Variants in MGAT4D observed in about 807,000 individuals in gnomAD.
MGAT4D encodes the protein MGAT4 family member D.
MGAT4D carries 34 observed loss-of-function variants against 15.9 expected under a neutral mutation model. The observed-to-expected ratio is 2.14, with a 90% confidence interval of 1.62 to 2.84. The LOEUF is 2.84. Ranked by LOEUF, MGAT4D falls within the 30% of genes most tolerant of loss-of-function variation. The pLI is 0.00. For missense variants in MGAT4D, 327 were observed against 140.2 expected (o/e 2.33, Z -6.73); for synonymous variants, 112 against 48.2 (o/e 2.33, Z -5.49).
chr4:140,465,668 A>G (rs1239379862), intron 5 of MGAT4D, among the ~76,000 whole-genome samples: 2 of 152,192 alleles, frequency 1.3e-5, no homozygotes, highest in African/African-American at 2.4e-5. Context: ...TTTAAATGAG[A>G]TTGGAATTTA....
chr4:140,444,796 T>C (rs1373908373), intron 10 of MGAT4D, among the ~76,000 whole-genome samples: 2 of 152,236 alleles, frequency 1.3e-5, no homozygotes, highest in Non-Finnish European at 2.9e-5. Context: ...CCACACTGCT[T>C]TCCATGATGA....
At chr4:140,479,774 AAAT>A (rs535845531) in intron 2 of MGAT4D, 147 bp from the exon 3 acceptor site, 16 of 292,880 alleles carry the variant, frequency 5.5e-5, no homozygotes, top group African/African-American at 3.2e-4. Context: ...TAAATTATTA[AAAT>A]AATAATGCTA....
intron 1 of MGAT4D, among the ~76,000 whole-genome samples, chr4:140,486,200 T>G (rs747687763): frequency 1.3e-5 from 2 of 152,146 alleles, no homozygotes; most frequent in African/African-American, 4.8e-5. Context: ...TTCTCAGCAC[T>G]GAATGCTCTT....
At chr4:140,449,427 T>G (rs1730331122) in intron 10 of MGAT4D, among the ~76,000 whole-genome samples, 1 of 152,220 alleles carries the variant, frequency 6.6e-6, no homozygotes, top group African/African-American at 2.4e-5. Context: ...ATTATTTTTC[T>G]GCTTAATAAA....
chr4:140,462,394 CA>C (rs1438648122), intron 6 of MGAT4D: 2 of 157,598 alleles, frequency 1.3e-5, no homozygotes, highest in African/African-American at 4.8e-5. Flanking sequence ...TTCTATCATC[CA>C]AGAGTTTTCT....
At chr4:140,473,351 T>G (rs545799950) in intron 4 of MGAT4D, among the ~76,000 whole-genome samples, 1 of 152,314 alleles carries the variant, frequency 6.6e-6, no homozygotes, top group Admixed American at 6.5e-5. Flanking sequence ...CAGCCTCTTA[T>G]GGGTAGATAT....
intron 7 of MGAT4D, among the ~76,000 whole-genome samples, chr4:140,461,420 G>A (rs187362391): frequency 3.9e-5 from 6 of 152,196 alleles, no homozygotes; most frequent in African/African-American, 1.2e-4. Context: ...ATTTAACAAT[G>A]TGGAGAGATT....
intron 4 of MGAT4D, among the ~76,000 whole-genome samples, chr4:140,473,908 C>T (rs1176269855): frequency 1.3e-5 from 2 of 151,646 alleles, no homozygotes. Flanking sequence ...CGCTATGTTG[C>T]CCAGGCTGAT....
intron 6 of MGAT4D, among the ~76,000 whole-genome samples, chr4:140,464,331 T>C (rs868081624): frequency 2.6e-5 from 4 of 152,332 alleles, no homozygotes; most frequent in Middle Eastern, 3.4e-3. Context: ...ATCCTTTGTA[T>C]GTGTATAGAG....
At chr4:140,445,606 T>G (rs1457018376) in intron 10 of MGAT4D, among the ~76,000 whole-genome samples, 2 of 152,170 alleles carry the variant, frequency 1.3e-5, no homozygotes, top group African/African-American at 4.8e-5. Flanking sequence ...CTTTATCAGT[T>G]CCTGTGTCCA....
chr4:140,443,048 A>T lies in MGAT4D; in HGVS notation c.*388T>A, dbSNP rs913739609. On this transcript the variant is annotated 3_prime_UTR_variant, in exon 11 of 11. Coordinates refer to ENST00000511113, the MANE Select transcript of MGAT4D (RefSeq NM_001277353.2). ...TTAAATTTGTGCTTTCTATTTCTTT[A>T]GGTGTCTTAACAAAATGGATAACGG... is the stretch of plus-strand genomic sequence containing the variant. The T allele has an allele frequency of 6.5e-6, 1 of 152,990 alleles. No homozygotes were observed. Among genetic ancestry groups the T allele is most frequent in the African/African-American group, 2.4e-5 (1 of 41,464 alleles). 9.5% of individuals were successfully genotyped at this position (152,990 alleles called of 1,614,324 possible).
intron 1 of MGAT4D, among the ~76,000 whole-genome samples, chr4:140,488,772 G>C (rs953300507): frequency 1.7e-4 from 26 of 152,136 alleles, no homozygotes; most frequent in African/African-American, 6.0e-4. Context: ...TGAGTCATGG[G>C]GGAAGATGAT....
intron 9 of MGAT4D, among the ~76,000 whole-genome samples, chr4:140,454,033 TG>T (rs1730640820): frequency 2.6e-5 from 4 of 152,050 alleles, no homozygotes; most frequent in Admixed American, 6.6e-5. Flanking sequence ...TGTGTGTGTG[TG>T]TGTGTTTATT....
At position 140,461,908 on chromosome 4, in the gene MGAT4D, CACACACACA is replaced by C; in HGVS notation, c.762+12_762+20del. ...ACACACACACACACACACACACACA[CACACACACA>C]CAATTTCTGACCTGTAAATAATACT... is the stretch of plus-strand genomic sequence containing the variant. On this transcript the variant is annotated intron_variant, in intron 7 of 10. Coordinates refer to ENST00000511113, the MANE Select transcript of MGAT4D (RefSeq NM_001277353.2). 1 of 695,362 alleles carries C rather than the reference CACACACACA, an allele frequency of 1.4e-6. No homozygotes were observed. Among genetic ancestry groups the C allele is most frequent in the Non-Finnish European group, 2.6e-6 (1 of 380,916 alleles). 43.1% of individuals were successfully genotyped at this position (695,362 alleles called of 1,614,324 possible).
At chr4:140,476,294 CA>C (rs1443642188) in intron 3 of MGAT4D, among the ~76,000 whole-genome samples, 1 of 152,170 alleles carries the variant, frequency 6.6e-6, no homozygotes, top group Non-Finnish European at 1.5e-5. Context: ...GTTCCCTTTT[CA>C]ATGTTTTGCC....
At chr4:140,449,920 TAATA>T (rs1190726262) in intron 10 of MGAT4D, 5 of 213,900 alleles carry the variant, frequency 2.3e-5, no homozygotes, top group South Asian at 1.9e-4. Context: ...AAAATTAAAT[TAATA>T]AATATCTGAT....
intron 5 of MGAT4D, among the ~76,000 whole-genome samples, chr4:140,471,081 G>A (rs1355534365): frequency 6.6e-6 from 1 of 151,874 alleles, no homozygotes; most frequent in Non-Finnish European, 1.5e-5. Context: ...CAGTAGAGAC[G>A]GGGTTTGGCC....
intron 1 of MGAT4D, among the ~76,000 whole-genome samples, chr4:140,490,031 ACTCCT>A (rs1178671609): frequency 3.3e-5 from 5 of 152,120 alleles, no homozygotes; most frequent in Non-Finnish European, 7.3e-5. Context: ...CTGAATGTGT[ACTCCT>A]CCAAGGGAAG....
chr4:140,446,760 T>G (rs1730159139), intron 10 of MGAT4D, among the ~76,000 whole-genome samples: 1 of 128,066 alleles, frequency 7.8e-6, no homozygotes, highest in Non-Finnish European at 1.7e-5. Flanking sequence ...TTTTTTTTTT[T>G]TTTTTTTTTT....
Sources: gnomAD v4.1 joint callset for allele counts (sites outside exome capture counted in the v4.1 genomes callset) on GRCh38, gnomAD v4.1.1 for gene constraint, MANE v1.5 for transcripts, NCBI Gene and HGNC (gene_info 2026-07-23, HGNC 2026-07-21) for gene names.